The following TMC1 variants were observed in gnomAD, a reference collection of about 807,000 sequenced individuals.
TMC1 encodes the protein transmembrane channel like 1.
TMC1 carries 84 observed loss-of-function variants against 105.8 expected under a neutral mutation model. The ratio of observed to expected loss-of-function variants is 0.79; its 90% CI spans 0.67 to 0.95. The LOEUF is 0.95. Among genes scored for constraint, TMC1 ranks in the 40% least tolerant of loss-of-function variants. The pLI is 0.00. For missense variants in TMC1, 817 were observed against 914.1 expected, an observed-to-expected ratio of 0.89 and a Z score of 1.37; for synonymous variants, 315 against 311.5, an observed-to-expected ratio of 1.01 and a Z score of -0.12.
intron 5 of TMC1, among the ~76,000 whole-genome samples, chr9:72,660,932 C>T (rs1213144546): frequency 1.3e-5 from 2 of 152,042 alleles, no homozygotes; most frequent in African/African-American, 4.8e-5. Context: ...GGGCGGATCA[C>T]GAGGTCAGGA....
intron 2 of TMC1, among the ~76,000 whole-genome samples, chr9:72,601,169 T>TAC (rs753598002): frequency 0.033 from 4,916 of 148,324 alleles, 189 homozygotes; most frequent in African/African-American, 0.093. Flanking sequence ...ACACTGTTTC[T>TAC]ACACACACAC....
In TMC1 at chr9:72,585,872, G is replaced by A. The variant is rs558899952; in HGVS notation, c.-306+7849G>A. Among the ~76,000 whole-genome samples the A allele has an allele frequency of 3.3e-5, 5 of 152,244 alleles. No homozygotes were observed. In the South Asian group the frequency reaches 1.0e-3, roughly 32 times the overall value. ...CGTAGATGGAGAAGCAGGAGGATTC[G>A]TCATGCACCCTGAGGCTTGCCAGTA... On this transcript the variant is annotated intron_variant, in intron 2 of 23. Coordinates refer to ENST00000297784, the MANE Select transcript of TMC1 (RefSeq NM_138691.3).
At chr9:72,594,005 C>T (rs1824681271) in intron 2 of TMC1, among the ~76,000 whole-genome samples, 1 of 152,148 alleles carries the variant, frequency 6.6e-6, no homozygotes, top group African/African-American at 2.4e-5. Context: ...GTATACTCAT[C>T]ATTCTGCTGT....
intron 23 of TMC1, 60 bp from the exon 24 acceptor site, chr9:72,835,890 GT>G: frequency 1.3e-6 from 2 of 1,544,946 alleles, no homozygotes; most frequent in Non-Finnish European, 1.7e-6. Context: ...TTTGCCTCCT[GT>G]TCATCTTCTC....
intron 13 of TMC1, among the ~76,000 whole-genome samples, chr9:72,782,306 A>C (rs1828105771): frequency 6.6e-6 from 1 of 152,210 alleles, no homozygotes; most frequent in Non-Finnish European, 1.5e-5. Flanking sequence ...TTGAAGGAAC[A>C]TACCTCAAAA....
intron 1 of TMC1, among the ~76,000 whole-genome samples, chr9:72,552,609 G>A (rs1204432337): frequency 1.3e-5 from 2 of 152,174 alleles, no homozygotes; most frequent in Admixed American, 6.5e-5. Context: ...TGGAAAAGCA[G>A]TGTTTGCATT....
At chr9:72,670,536 G>T (rs72733020) in intron 5 of TMC1, among the ~76,000 whole-genome samples, 13,442 of 152,026 alleles carry the variant, frequency 0.088, 702 homozygotes, top group Non-Finnish European at 0.13. Context: ...ATATAAAGAA[G>T]CATGAAAATA....
intron 10 of TMC1, among the ~76,000 whole-genome samples, chr9:72,749,064 C>T (rs1258033250): frequency 2.0e-5 from 3 of 152,198 alleles, no homozygotes; most frequent in Non-Finnish European, 2.9e-5. Flanking sequence ...AAGTATATTT[C>T]ATTATGATGC....
At chr9:72,707,732 TC>T (rs1331427945) in intron 8 of TMC1, among the ~76,000 whole-genome samples, 1 of 152,230 alleles carries the variant, frequency 6.6e-6, no homozygotes, top group East Asian at 1.9e-4. Context: ...TGCTGACTGT[TC>T]CCTTTGCTGT....
intron 2 of TMC1, among the ~76,000 whole-genome samples, chr9:72,598,698 T>G (rs1212190979): frequency 1.3e-5 from 2 of 152,164 alleles, no homozygotes; most frequent in African/African-American, 4.8e-5. Flanking sequence ...TCTTTATCAG[T>G]GAACCATAGT....
chr9:72,760,288 ACT>A (rs1427490062), intron 12 of TMC1, among the ~76,000 whole-genome samples: 2 of 151,998 alleles, frequency 1.3e-5, no homozygotes, highest in Non-Finnish European at 2.9e-5. Flanking sequence ...AGAGGTGCTC[ACT>A]CTGTATTGTC....
intron 13 of TMC1, among the ~76,000 whole-genome samples, chr9:72,781,292 C>T (rs539013203): frequency 1.3e-5 from 2 of 152,112 alleles, no homozygotes; most frequent in South Asian, 4.2e-4. Context: ...CATGACATAC[C>T]AGAATCTTTG....
intron 17 of TMC1, among the ~76,000 whole-genome samples, chr9:72,801,141 T>C (rs2118225094): frequency 6.6e-6 from 1 of 152,320 alleles, no homozygotes; most frequent in Middle Eastern, 3.4e-3. Context: ...GTTTTGAATA[T>C]AGGATAATGT....
intron 1 of TMC1, among the ~76,000 whole-genome samples, chr9:72,567,183 G>A (rs1045106254): frequency 1.2e-4 from 18 of 152,126 alleles, no homozygotes; most frequent in Admixed American, 2.6e-4. Context: ...CTGACTCCTC[G>A]TTCCAAGCAT....
intron 4 of TMC1, chr9:72,628,448 A>T (rs1378372220): frequency 5.6e-6 from 1 of 177,368 alleles, no homozygotes; most frequent in African/African-American, 2.4e-5. Context: ...TATGTGATAA[A>T]CAGAAGAAGC....
At chr9:72,757,371 A>G (rs143140541) in intron 12 of TMC1, among the ~76,000 whole-genome samples, 1 of 152,346 alleles carries the variant, frequency 6.6e-6, no homozygotes, top group African/African-American at 2.4e-5. Flanking sequence ...GGAGAAAATA[A>G]TAGTATCTAC....
At chr9:72,709,347 G>A (rs908759870) in intron 8 of TMC1, among the ~76,000 whole-genome samples, 1 of 152,020 alleles carries the variant, frequency 6.6e-6, no homozygotes, top group African/African-American at 2.4e-5. Flanking sequence ...TTCTTTCCTG[G>A]TTTTGGTATT....
intron 1 of TMC1, among the ~76,000 whole-genome samples, chr9:72,559,700 G>A (rs150762065): frequency 3.3e-4 from 50 of 152,248 alleles, no homozygotes; most frequent in African/African-American, 1.1e-3. Context: ...CCAGAAAAAC[G>A]TGGTATCATG....
At chr9:72,574,528 G>A (rs575426319) in intron 1 of TMC1, among the ~76,000 whole-genome samples, 4 of 152,216 alleles carry the variant, frequency 2.6e-5, no homozygotes, top group Admixed American at 6.5e-5. Flanking sequence ...TTTATAAAAG[G>A]CATTTAACAT....
Sources: allele counts gnomAD v4.1 joint callset (sites outside exome capture counted in the v4.1 genomes callset), GRCh38; gene constraint gnomAD v4.1.1; transcripts MANE v1.5; gene names NCBI Gene and HGNC (gene_info 2026-07-23, HGNC 2026-07-21).